The following CFAP299 variants were observed in gnomAD, a reference collection of about 807,000 sequenced individuals.
CFAP299 encodes cilia and flagella associated protein 299, also known as cilia- and flagella-associated protein 299.
Under a neutral mutation model 27.0 loss-of-function variants are expected in CFAP299, and 21 were observed. The observed-to-expected ratio is 0.78, with a 90% CI of 0.55 to 1.12. CFAP299 has a LOEUF of 1.12. Among genes scored for constraint, CFAP299 ranks in the 50% most tolerant of loss-of-function variants. The pLI is 0.00. For missense variants in CFAP299, 310 were observed against 276.6 expected (o/e 1.12, Z -0.86); for synonymous variants, 104 against 98.1 (o/e 1.06, Z -0.36).
intron 4 of CFAP299, among the ~76,000 whole-genome samples, chr4:80,879,807 C>G (rs1209503945): frequency 2.0e-5 from 3 of 152,098 alleles, no homozygotes; most frequent in African/African-American, 7.2e-5. Context: ...TTCGGCTTCT[C>G]TAGTCATAAC....
intron 4 of CFAP299, among the ~76,000 whole-genome samples, chr4:80,924,338 T>C (rs1736193583): frequency 6.6e-6 from 1 of 151,830 alleles, no homozygotes; most frequent in Non-Finnish European, 1.5e-5. Context: ...GTATCTGCTG[T>C]TTTAAAATCA....
At chr4:80,591,115 T>TTA (rs1736737531) in intron 3 of CFAP299, among the ~76,000 whole-genome samples, 1 of 142,502 alleles carries the variant, frequency 7.0e-6, no homozygotes, top group Non-Finnish European at 1.5e-5. Flanking sequence ...ATTTTTTTTT[T>TTA]TTTTTTTTTT....
At chr4:80,476,695 A>G (rs1431110584) in intron 2 of CFAP299, among the ~76,000 whole-genome samples, 2 of 152,048 alleles carry the variant, frequency 1.3e-5, no homozygotes, top group Admixed American at 6.6e-5. Context: ...TGTCAGTTAT[A>G]CAGAAACTCA....
At chr4:80,463,039 TG>T (rs1729525640) in intron 2 of CFAP299, among the ~76,000 whole-genome samples, 1 of 152,176 alleles carries the variant, frequency 6.6e-6, no homozygotes, top group Non-Finnish European at 1.5e-5. Flanking sequence ...AACATCGTCT[TG>T]TTTTGTAGTT....
At chr4:80,479,710 T>C (rs1730459485) in intron 2 of CFAP299, among the ~76,000 whole-genome samples, 1 of 151,998 alleles carries the variant, frequency 6.6e-6, no homozygotes, top group Non-Finnish European at 1.5e-5. Flanking sequence ...GATAGTTAAA[T>C]TTTAAGTAAT....
intron 2 of CFAP299, among the ~76,000 whole-genome samples, chr4:80,510,486 C>G (rs187832188): frequency 1.2e-4 from 18 of 152,264 alleles, no homozygotes; most frequent in Admixed American, 3.3e-4. Flanking sequence ...CTCTTGAGAT[C>G]AGACTGAAAT....
At chr4:80,364,331 C>T (rs1347070896) in intron 2 of CFAP299, among the ~76,000 whole-genome samples, 2 of 151,972 alleles carry the variant, frequency 1.3e-5, no homozygotes, top group East Asian at 3.9e-4. Flanking sequence ...CATTTGGGGG[C>T]TGGTCTTTGC....
At chr4:80,850,864 G>A (rs897418454) in intron 3 of CFAP299, among the ~76,000 whole-genome samples, 2 of 152,080 alleles carry the variant, frequency 1.3e-5, no homozygotes, top group Admixed American at 6.6e-5. Context: ...ACAAAGCAAA[G>A]ACATGGTTTG....
Position 80,688,899 on chromosome 4 carries a change from G to A in CFAP299, c.333+105716G>A, listed in dbSNP as rs1368557612. On this transcript the variant is annotated intron_variant, in intron 3 of 5. Transcript: ENST00000358105. ...GCTCGAGAACTACGTGAAGAATGCA[G>A]AAGCCTCAGGAGCCGATGCGATCAA... Among the ~76,000 whole-genome samples the A allele has an allele frequency of 2.6e-5, 4 of 151,988 alleles. No individual in the cohort carries two copies. The East Asian group carries it at 5.8e-4, about 22-fold the overall frequency.
In CFAP299 at chr4:80,537,580, G is replaced by T. The variant is rs909745043; in HGVS notation, c.243-45513G>T. ...GCATTATGTTAAGTGAAATAAGCCA[G>T]ACACAGAAAGGCAAATACTCTGTGA... On this transcript the variant is annotated intron_variant, in intron 2 of 5. Coordinates refer to ENST00000358105, the MANE Select transcript of CFAP299 (RefSeq NM_152770.3). Among the ~76,000 whole-genome samples, 3 of 152,150 alleles carry T rather than the reference G, an allele frequency of 2.0e-5. No homozygotes were observed. In the East Asian group the frequency reaches 5.8e-4, roughly 29 times the overall value.
intron 3 of CFAP299, among the ~76,000 whole-genome samples, chr4:80,701,827 G>C (rs1294168886): frequency 6.6e-6 from 1 of 151,976 alleles, no homozygotes; most frequent in East Asian, 1.9e-4. Flanking sequence ...AAATGAAATA[G>C]AATGATTATA....
intron 5 of CFAP299, among the ~76,000 whole-genome samples, chr4:80,958,883 T>C (rs1738196909): frequency 6.6e-6 from 1 of 152,162 alleles, no homozygotes; most frequent in Admixed American, 6.6e-5. Flanking sequence ...AGACTGTTCT[T>C]TGTTGAAGAC....
chr4:80,856,025 A>C (rs1731858519), intron 3 of CFAP299, among the ~76,000 whole-genome samples: 1 of 151,456 alleles, frequency 6.6e-6, no homozygotes, highest in East Asian at 1.9e-4. Context: ...TCCCACCAAC[A>C]GTGTAAAAGT....
At chr4:80,583,510 A>T (rs991673072) in intron 3 of CFAP299, among the ~76,000 whole-genome samples, 3 of 151,874 alleles carry the variant, frequency 2.0e-5, no homozygotes, top group African/African-American at 7.2e-5. Flanking sequence ...CCCAAGTTGC[A>T]TCACCCACTG....
At chr4:80,511,422 A>G (rs552046899) in intron 2 of CFAP299, among the ~76,000 whole-genome samples, 1 of 152,304 alleles carries the variant, frequency 6.6e-6, no homozygotes, top group Admixed American at 6.5e-5. Context: ...ACTGAAATGC[A>G]GAAAATCACT....
At chr4:80,840,374 C>T (rs1730796652) in intron 3 of CFAP299, among the ~76,000 whole-genome samples, 1 of 152,068 alleles carries the variant, frequency 6.6e-6, no homozygotes, top group Non-Finnish European at 1.5e-5. Flanking sequence ...TTTAAACTGA[C>T]ATCAGTGAAA....
intron 4 of CFAP299, among the ~76,000 whole-genome samples, chr4:80,909,100 G>A (rs1183887652): frequency 2.0e-5 from 3 of 152,002 alleles, no homozygotes; most frequent in Non-Finnish European, 2.9e-5. Flanking sequence ...GTTTACAAAA[G>A]CAAAACCTGT....
At chr4:80,831,168 C>T (rs1386041782) in intron 3 of CFAP299, among the ~76,000 whole-genome samples, 1 of 152,018 alleles carries the variant, frequency 6.6e-6, no homozygotes. Context: ...GGGAAACAAG[C>T]TGACTGTAAT....
chr4:80,590,285 A>G (rs1736663239), intron 3 of CFAP299, among the ~76,000 whole-genome samples: 1 of 152,194 alleles, frequency 6.6e-6, no homozygotes, highest in Non-Finnish European at 1.5e-5. Flanking sequence ...AACTGTATTT[A>G]ATAGAAAGTG....
Sources: gnomAD v4.1 joint callset for allele counts (sites outside exome capture counted in the v4.1 genomes callset) on GRCh38, gnomAD v4.1.1 for gene constraint, MANE v1.5 for transcripts, NCBI Gene and HGNC (gene_info 2026-07-23, HGNC 2026-07-21) for gene names.